Variants in ZNF611 observed in about 807,000 individuals in gnomAD.
ZNF611 encodes zinc finger protein 611.
A neutral mutation model predicts 8.9 loss-of-function variants in ZNF611; 6 were observed. That is an observed-to-expected ratio of 0.68 (90% CI 0.37 to 1.34). ZNF611 has a LOEUF of 1.34. ZNF611 is among the 40% of genes most tolerant of loss of function. The pLI is 0.02. For missense variants in ZNF611, 874 were observed against 841.3 expected, an observed-to-expected ratio of 1.04 and a Z score of -0.48; for synonymous variants, 262 against 279.7, an observed-to-expected ratio of 0.94 and a Z score of 0.63.
At position 52,706,514 on chromosome 19, in the gene ZNF611, C is replaced by G; in HGVS notation, c.541G>C (p.Glu181Gln). The G allele has an allele frequency of 6.2e-7, 1 of 1,614,158 alleles. No individual in the cohort carries two copies. The highest frequency in any genetic ancestry group is 8.5e-7 in the Non-Finnish European group (1 of 1,180,034). Residue 181 changes from glutamate (E) to glutamine (Q), a missense_variant, in exon 6 of 6, where the codon GAG (glutamate) becomes CAG (glutamine). Glu to Gln is a conservative substitution (Grantham distance 29, BLOSUM62 2). Transcript: ENST00000652185. ...QIKGEIGNQL[E>Q]KSTNDAPSVS... ...GAGGGAGCATCATTAGTAGACTTCT[C>G]AAGTTGATTACCAATTTCACCTTTG...
chr19:52,725,391 C>T (rs1157760556), intron 3 of ZNF611, among the ~76,000 whole-genome samples: 1 of 152,166 alleles, frequency 6.6e-6, no homozygotes, highest in Non-Finnish European at 1.5e-5. Context: ...CCGACGGGGG[C>T]TGGGAGGCGC....
chr19:52,706,981 C>G, intron 5 of ZNF611, 117 bp from the exon 6 acceptor site: 1 of 1,471,616 alleles, frequency 6.8e-7, no homozygotes, highest in South Asian at 1.5e-5. Flanking sequence ...ACATCATCTT[C>G]AAAGTTTAGG....
At chr19:52,723,248 T>G (rs1163538764) in intron 3 of ZNF611, among the ~76,000 whole-genome samples, 1 of 148,004 alleles carries the variant, frequency 6.8e-6, no homozygotes, top group Non-Finnish European at 1.5e-5. Flanking sequence ...CACAACTTAT[T>G]TAACCTTTTT....
At chr19:52,712,637 G>GA (rs56301635) in intron 5 of ZNF611, among the ~76,000 whole-genome samples, 37,291 of 138,310 alleles carry the variant, frequency 0.27, 4,816 homozygotes, top group Middle Eastern at 0.33. Flanking sequence ...TACTCCGTCT[G>GA]AAAAAAAAAA....
At chr19:52,727,029 C>A (rs759409285) in intron 3 of ZNF611, among the ~76,000 whole-genome samples, 21 of 152,036 alleles carry the variant, frequency 1.4e-4, no homozygotes, top group Non-Finnish European at 2.8e-4. Context: ...CCATGCCCAG[C>A]TAACTTTTGT....
At chr19:52,725,359 C>G (rs1283978587) in intron 3 of ZNF611, among the ~76,000 whole-genome samples, 4 of 152,170 alleles carry the variant, frequency 2.6e-5, no homozygotes, top group Admixed American at 1.3e-4. Context: ...ACTGGGGCCC[C>G]GGCGCTGCGC....
intron 5 of ZNF611, among the ~76,000 whole-genome samples, chr19:52,712,222 C>CA (rs1295966918): frequency 6.8e-6 from 1 of 146,336 alleles, no homozygotes; most frequent in Non-Finnish European, 1.5e-5. Flanking sequence ...AACACACACA[C>CA]AAAAAAACAA....
intron 1 of ZNF611, among the ~76,000 whole-genome samples, chr19:52,733,051 A>G (rs2062435523): frequency 6.6e-6 from 1 of 152,176 alleles, no homozygotes; most frequent in Admixed American, 6.5e-5. Flanking sequence ...ATCCTAGGAA[A>G]AGGGGAGACA....
intron 5 of ZNF611, among the ~76,000 whole-genome samples, chr19:52,711,772 G>A (rs2062281768): frequency 1.3e-5 from 2 of 152,164 alleles, no homozygotes; most frequent in African/African-American, 4.8e-5. Flanking sequence ...GGAGAGTAGT[G>A]TTGGAGGGGA....
intron 3 of ZNF611, among the ~76,000 whole-genome samples, chr19:52,722,554 G>A (rs1480625565): frequency 6.6e-6 from 1 of 152,062 alleles, no homozygotes; most frequent in Admixed American, 6.6e-5. Context: ...GATTCCAAGT[G>A]GAAGCTAACC....
chr19:52,715,847 G>C lies in ZNF611; in HGVS notation c.48C>G (p.Gly16=), dbSNP rs2062313234. 1 of 1,612,800 alleles carries C rather than the reference G, an allele frequency of 6.2e-7. No homozygotes were observed. The highest frequency in any genetic ancestry group is 2.2e-5 in the East Asian group (1 of 44,880). ...ATCACTTCACCTGAGGAAGAGCCAT[G>C]CCTGGCTCCTTTCCTTTCCTCTTCT... The part of the protein sequence containing the change: ...AAQKRKGKEP[G]MALPQGRLTF... Residue 16 remains glycine, a synonymous_variant, in exon 4 of 6, where the codon GGC becomes GGG. Transcript: ENST00000652185.
chr19:52,715,811 C>T (rs1234246551), intron 4 of ZNF611, 21 bp downstream of exon 4: 2 of 1,609,144 alleles, frequency 1.2e-6, no homozygotes, highest in Non-Finnish European at 8.5e-7. Context: ...CAGATTAATC[C>T]ACAGAGGAAT....
rs764738183 is a variant in ZNF611 at position 52,706,834 on chromosome 19, A to T, written c.221T>A (p.Val74Asp). The T allele has an allele frequency of 3.1e-6, 5 of 1,609,878 alleles. No individual in the cohort carries two copies. In the South Asian group the frequency reaches 5.5e-5, roughly 18 times the overall value. ...TGTATTGCCTTGCCCTGTTGACAAG[A>T]CCTCCTTCATCATGCATTTGGAAGA... ...DISSKCMMKE[V>D]LSTGQGNTEV... Residue 74 changes from valine to aspartate, a missense_variant, in exon 6 of 6, where the codon GTC (valine) becomes GAC (aspartate). Transcript: ENST00000652185.
At chr19:52,717,364 G>A (rs575646504) in intron 3 of ZNF611, among the ~76,000 whole-genome samples, 2 of 152,298 alleles carry the variant, frequency 1.3e-5, no homozygotes, top group Admixed American at 1.3e-4. Flanking sequence ...ACCTAGAAAA[G>A]AAAGGCTGCT....
At chr19:52,729,275 C>A (rs752924905) in intron 2 of ZNF611, among the ~76,000 whole-genome samples, 6 of 151,704 alleles carry the variant, frequency 4.0e-5, no homozygotes, top group Non-Finnish European at 7.4e-5. Context: ...GTAAGGGTAA[C>A]CAAAATCAAT....
intron 3 of ZNF611, among the ~76,000 whole-genome samples, chr19:52,726,924 T>TG (rs1177729030): frequency 6.6e-6 from 1 of 152,144 alleles, no homozygotes; most frequent in African/African-American, 2.4e-5. Context: ...GGGGTGCAGT[T>TG]GTGAGATCAT....
At position 52,706,232 on chromosome 19, in the gene ZNF611, C is replaced by T. The variant is rs756042387; in HGVS notation, c.823G>A (p.Ala275Thr). The T allele has an allele frequency of 6.2e-7, 1 of 1,614,036 alleles. No homozygotes were observed. Among genetic ancestry groups the T allele is most frequent in the African/African-American group, 1.3e-5 (1 of 74,920 alleles). ...ACAGTGTGACATCTATCATGGCATG[C>T]AAGGTATTGCTCGTGATTAAAGAGC... ...GKLFNHEQYL[A>T]CHDRCHTVEK... The change falls in exon 6 of 6, where the codon GCA becomes ACA. Residue 275 changes from alanine to threonine, a missense_variant. Physicochemically the swap from Ala to Thr is moderately conservative, Grantham distance 58. Coordinates refer to ENST00000652185, the MANE Select transcript of ZNF611 (RefSeq NM_001161499.2).
chr19:52,710,242 T>C (rs1299337519), intron 5 of ZNF611, among the ~76,000 whole-genome samples: 1 of 151,614 alleles, frequency 6.6e-6, no homozygotes, highest in Non-Finnish European at 1.5e-5. Flanking sequence ...TTTTTTTTTT[T>C]TTTTGGGAAA....
At chr19:52,727,001 T>C (rs2062397589) in intron 3 of ZNF611, among the ~76,000 whole-genome samples, 1 of 152,036 alleles carries the variant, frequency 6.6e-6, no homozygotes, top group South Asian at 2.1e-4. Context: ...GAGTAGCTGG[T>C]ATTACAAGCG....
Sources: allele counts gnomAD v4.1 joint callset (sites outside exome capture counted in the v4.1 genomes callset), GRCh38; gene constraint gnomAD v4.1.1; transcripts MANE v1.5; gene names NCBI Gene and HGNC (gene_info 2026-07-23, HGNC 2026-07-21).